The following PCM1 variants were observed in gnomAD, a reference collection of about 807,000 sequenced individuals.
PCM1 encodes pericentriolar material 1 protein.
PCM1 carries 157 observed loss-of-function variants against 241.9 expected under a neutral mutation model. The observed-to-expected ratio is 0.65, with a 90% confidence interval of 0.57 to 0.74. The LOEUF is 0.74. PCM1 is among the 30% of genes least tolerant of loss of function. The probability of loss-of-function intolerance (pLI) is 0.00; values close to 1 mark genes in which losing one functional copy is unlikely to be tolerated. For missense variants in PCM1, 3,478 were observed against 2,360.1 expected, an observed-to-expected ratio of 1.47 and a Z score of -9.81; for synonymous variants, 1,085 against 784.9, an observed-to-expected ratio of 1.38 and a Z score of -6.39.
At chr8:17,937,034 CTT>C (rs2060630849) in intron 3 of PCM1, 98 bp from the exon 4 acceptor site, 1 of 907,038 alleles carries the variant, frequency 1.1e-6, no homozygotes, top group Non-Finnish European at 1.6e-6. Flanking sequence ...AATGTCTTGT[CTT>C]TTTTAATTTT....
chr8:17,976,775 A>G (rs1033509930), intron 23 of PCM1, among the ~76,000 whole-genome samples: 5 of 151,700 alleles, frequency 3.3e-5, no homozygotes, highest in African/African-American at 1.2e-4. Context: ...CATAGGCGAT[A>G]ACATCCTTAT....
intron 18 of PCM1, 144 bp downstream of exon 18, chr8:17,964,912 C>T: frequency 1.6e-6 from 1 of 629,708 alleles, no homozygotes; most frequent in Admixed American, 2.7e-5. Flanking sequence ...AGAGTTAGTG[C>T]AGACCCCTCA....
At chr8:18,024,529 G>A (rs980332395) in intron 36 of PCM1, among the ~76,000 whole-genome samples, 6 of 152,038 alleles carry the variant, frequency 3.9e-5, no homozygotes, top group Admixed American at 2.0e-4. Context: ...GAAAATTACT[G>A]GTTAGATTTA....
intron 30 of PCM1, among the ~76,000 whole-genome samples, chr8:18,006,730 C>T (rs780674093): frequency 3.3e-5 from 5 of 152,160 alleles, no homozygotes; most frequent in African/African-American, 4.8e-5. Context: ...AAATAATTGG[C>T]TAAAGTAATT....
chr8:17,950,693 A>G lies in PCM1; in HGVS notation c.1040A>G (p.Gln347Arg), dbSNP rs2065702753. 1 of 1,598,810 alleles carries G rather than the reference A, an allele frequency of 6.3e-7. No homozygotes were observed. The highest frequency in any genetic ancestry group is 1.1e-5 in the South Asian group (1 of 88,884). The change falls in exon 8 of 39, where the codon CAG (glutamine) becomes CGG (arginine). Residue 347 changes from glutamine to arginine, a missense_variant. By Grantham distance (43) the Gln-to-Arg change is conservative. Transcript: ENST00000325083. ...ELNEELNDLI[Q>R]RFHNQLRDSQ... ...AATGAAGAATTGAATGACTTAATTC[A>G]GCGTTTTCATAATCAGCTTCGTGAT...
chr8:17,951,711 A>G (rs2066083226), intron 8 of PCM1, among the ~76,000 whole-genome samples: 1 of 152,256 alleles, frequency 6.6e-6, no homozygotes, highest in Non-Finnish European at 1.5e-5. Context: ...AGAGAATGGT[A>G]GATGCCTGAT....
chr8:17,965,391 T>G (rs1341798984), intron 18 of PCM1, among the ~76,000 whole-genome samples: 1 of 152,208 alleles, frequency 6.6e-6, no homozygotes, highest in African/African-American at 2.4e-5. Context: ...ACAAAAGACA[T>G]TATCACTTGG....
intron 26 of PCM1, among the ~76,000 whole-genome samples, chr8:17,989,502 A>G (rs1156464486): frequency 6.6e-6 from 1 of 152,094 alleles, no homozygotes; most frequent in African/African-American, 2.4e-5. Context: ...AACCAGGTAG[A>G]GTAAGCTACT....
In PCM1 at chr8:17,989,922, A is replaced by G; in HGVS notation, c.4474A>G (p.Asn1492Asp). 6.5e-7 allele frequency: 1 copy of G among 1,546,454 alleles called. No individual in the cohort carries two copies. The highest frequency in any genetic ancestry group is 8.7e-7 in the Non-Finnish European group (1 of 1,143,404). The change falls in exon 27 of 39, where the codon AAT becomes GAT. Residue 1492 changes from asparagine to aspartate, a missense_variant. By Grantham distance (23) the Asn-to-Asp change is conservative. Coordinates refer to ENST00000325083, the MANE Select transcript of PCM1 (RefSeq NM_006197.4). ...HKISEQNDAD[N>D]ASVLSVSSNF... is the part of the protein sequence containing the mutation. ...AATAAGTGAGCAAAATGATGCTGAT[A>G]ATGCTAGTGTCCTGTCTGTATCATC...
rs754191495 is a variant in PCM1 at position 17,972,491 on chromosome 8, A to G, written c.3747A>G (p.Arg1249=). 2 of 1,613,958 alleles carry G rather than the reference A, an allele frequency of 1.2e-6. No homozygotes were observed. Among genetic ancestry groups the G allele is most frequent in the East Asian group, 4.5e-5 (2 of 44,872 alleles). ...NRKNQLDTNG[R]RRQFDEESLE... The stretch of plus-strand genomic sequence containing the variant: ...AAAATCAATTAGATACAAACGGAAG[A>G]AGACGCCAGTTTGATGAAGAATCAC... Residue 1249 remains arginine (R), a synonymous_variant, in exon 23 of 39, where the codon AGA becomes AGG. Transcript: ENST00000325083.
intron 36 of PCM1, among the ~76,000 whole-genome samples, chr8:18,017,981 A>G (rs1218235174): frequency 6.6e-6 from 1 of 152,240 alleles, no homozygotes; most frequent in Non-Finnish European, 1.5e-5. Flanking sequence ...AACTAAGATC[A>G]GCATCAGTGG....
At chr8:17,996,037 G>T (rs2086601694) in intron 29 of PCM1, among the ~76,000 whole-genome samples, 1 of 151,710 alleles carries the variant, frequency 6.6e-6, no homozygotes, top group African/African-American at 2.4e-5. Context: ...TCTTTCTCTT[G>T]TCTGATTACT....
Position 17,966,229 on chromosome 8 carries a change from C to T in PCM1, c.3075+11C>T, listed in dbSNP as rs772093287. ...ATGCAAGACCAGCAGGTAAAATTTG[C>T]TATGAAAGTATATTTTTCGTCTATT... On this transcript the variant is annotated intron_variant, in intron 19 of 38. Transcript: ENST00000325083. 3 of 1,610,318 alleles carry T rather than the reference C, an allele frequency of 1.9e-6. No individual in the cohort carries two copies. Among genetic ancestry groups the T allele is most frequent in the Admixed American group, 1.7e-5 (1 of 59,830 alleles).
intron 2 of PCM1, chr8:17,934,729 A>G (rs369566796): frequency 2.0e-5 from 3 of 152,294 alleles, no homozygotes; most frequent in East Asian, 3.9e-4. Context: ...AACCTGTACA[A>G]TTCCACAGCT....
chr8:17,935,769 CT>C (rs1396683698), intron 3 of PCM1, 63 bp downstream of exon 3: 13 of 801,292 alleles, frequency 1.6e-5, no homozygotes, highest in Admixed American at 3.9e-5. Context: ...AGTTTTCCCC[CT>C]GACCAAATTT....
intron 38 of PCM1, 69 bp from the exon 39 acceptor site, chr8:18,027,568 A>T: frequency 1.8e-6 from 2 of 1,106,414 alleles, no homozygotes; most frequent in Non-Finnish European, 2.6e-6. Flanking sequence ...AGCTTTAATG[A>T]CAGAGAACAA....
chr8:17,939,134 C>T lies in PCM1; in HGVS notation c.612+125C>T, dbSNP rs1038826235. 1.2e-5 allele frequency: 10 copies of T among 808,958 alleles called. No homozygotes were observed. The African/African-American group carries it at 1.7e-4, about 14-fold the overall frequency. 50.1% of individuals were successfully genotyped at this position (808,958 alleles called of 1,614,324 possible). ...GGTGGAATTAAAGTGCTTCACTGAC[C>T]TCCTTTGTTAATCTGCCAGATTTAC... On this transcript the variant is annotated intron_variant, in intron 5 of 38. Coordinates refer to ENST00000325083, the MANE Select transcript of PCM1 (RefSeq NM_006197.4).
intron 29 of PCM1, among the ~76,000 whole-genome samples, chr8:18,005,249 T>C (rs543305434): frequency 3.5e-4 from 53 of 152,190 alleles, no homozygotes; most frequent in Admixed American, 1.1e-3. Context: ...GTTAAAAAAG[T>C]GTTATCTACC....
chr8:17,962,916 AAT>A, intron 16 of PCM1, 183 bp from the exon 17 acceptor site: 1 of 490,748 alleles, frequency 2.0e-6, no homozygotes, highest in Non-Finnish European at 3.5e-6. Context: ...AAAAAAAAAA[AAT>A]TGGCTGATTT....
Sources: gnomAD v4.1 joint callset for allele counts (sites outside exome capture counted in the v4.1 genomes callset) on GRCh38, gnomAD v4.1.1 for gene constraint, MANE v1.5 for transcripts, NCBI Gene and HGNC (gene_info 2026-07-23, HGNC 2026-07-21) for gene names.